The following WDR3 variants were observed in gnomAD, a reference collection of about 807,000 sequenced individuals.
WDR3 encodes WD repeat-containing protein 3.
In WDR3, 81 loss-of-function variants were observed where a neutral mutation model predicts 123.7. The ratio of observed to expected loss-of-function variants is 0.65; its 90% CI spans 0.55 to 0.79. The LOEUF (loss-of-function observed/expected upper bound fraction) is 0.79, where lower values mean the gene tolerates loss of function less well. WDR3 is among the 30% of genes least tolerant of loss of function. The pLI is 0.00. For synonymous variants in WDR3, 390 were observed against 388.8 expected (o/e 1.00, Z -0.04); for missense variants, 1,027 against 1,123.2 (o/e 0.91, Z 1.22).
At position 117,934,517 on chromosome 1, in the gene WDR3, C is replaced by T. The variant is rs761466350; in HGVS notation, c.216C>T (p.Cys72=). ...QGLKQEVTCL[C]PSPDGLHLAV... ...TTAAACAAGAAGTTACTTGCTTATG[C>T]CCCTCCCCAGATGGGCTACACTTAG... Residue 72 remains cysteine, a synonymous_variant, in exon 3 of 27, where the codon TGC becomes TGT. Transcript: ENST00000349139. The T allele has an allele frequency of 8.7e-6, 14 of 1,614,074 alleles. No individual in the cohort carries two copies. The South Asian group carries it at 1.5e-4, about 18-fold the overall frequency.
In WDR3 at chr1:117,941,919, G is replaced by T. The variant is rs928291935; in HGVS notation, c.989+72G>T. On this transcript the variant is annotated intron_variant, in intron 9 of 26. Coordinates refer to ENST00000349139, the MANE Select transcript of WDR3 (RefSeq NM_006784.3). ...GCCCCATGTTACTGAAAAAAAACTG[G>T]CTTCTTTCATATTTACTGTCTTATC... is the stretch of plus-strand genomic sequence containing the variant. 10 of 1,476,634 alleles carry T rather than the reference G, an allele frequency of 6.8e-6. No individual in the cohort carries two copies. The Admixed American group carries it at 2.2e-4, about 32-fold the overall frequency. The allele number at this position is 1,476,634 out of a possible 1,614,324, so 91.5% of individuals were successfully genotyped here.
At chr1:117,931,634 G>T (rs1400089736) in intron 1 of WDR3, among the ~76,000 whole-genome samples, 2 of 152,194 alleles carry the variant, frequency 1.3e-5, no homozygotes, top group Non-Finnish European at 2.9e-5. Context: ...GGAGTCCCTG[G>T]ACCTAGGCAT....
In WDR3 at chr1:117,961,718, AAGTG is replaced by A. The variant is rs1653128721; in HGVS notation, c.*2275_*2278del. Reference sequence around the variant, plus strand: ...GTTCTTGAGCATAACACAATCACTGAAGTGAGTAAGGGATGCAGTGGTGTTATTT... The same window carrying A: ...GTTCTTGAGCATAACACAATCACTGAAGTAAGGGATGCAGTGGTGTTATTT... On this transcript the variant is annotated 3_prime_UTR_variant, in exon 27 of 27. Coordinates refer to ENST00000349139, the MANE Select transcript of WDR3 (RefSeq NM_006784.3). 6.6e-6 allele frequency: 1 copy of A among 152,154 alleles called. No individual in the cohort carries two copies. The highest frequency in any genetic ancestry group is 1.5e-5 in the Non-Finnish European group (1 of 68,026). The allele number at this position is 152,154 out of a possible 1,614,324, so 9.4% of individuals were successfully genotyped here. A position where few individuals can be genotyped will look rare whatever the true frequency, so the allele number is the denominator to read the frequency against.
chr1:117,945,987 ATGTTGATC>A, intron 11 of WDR3, 91 bp from the exon 12 acceptor site: 1 of 712,854 alleles, frequency 1.4e-6, no homozygotes, highest in Non-Finnish European at 2.1e-6. Context: ...ATCTTCTTTT[ATGTTGATC>A]TGTCTAAGTG....
chr1:117,947,260 G>T (rs1651443860), intron 12 of WDR3, among the ~76,000 whole-genome samples: 2 of 152,178 alleles, frequency 1.3e-5, no homozygotes, highest in South Asian at 4.1e-4. Flanking sequence ...TGTACCAGTA[G>T]TGAGAATAAA....
chr1:117,951,712 A>G (rs1244596583), intron 16 of WDR3, among the ~76,000 whole-genome samples: 2 of 152,106 alleles, frequency 1.3e-5, no homozygotes, highest in African/African-American at 4.8e-5. Flanking sequence ...CGAAGTAAAT[A>G]GATAACCCTA....
At chr1:117,947,218 A>C (rs1033252264) in intron 12 of WDR3, among the ~76,000 whole-genome samples, 4 of 152,228 alleles carry the variant, frequency 2.6e-5, no homozygotes, top group African/African-American at 9.6e-5. Flanking sequence ...CTAATCGATA[A>C]TAGAGCTGGT....
intron 1 of WDR3, among the ~76,000 whole-genome samples, chr1:117,930,093 A>G (rs1252021887): frequency 6.6e-6 from 1 of 151,956 alleles, no homozygotes; most frequent in African/African-American, 2.4e-5. Flanking sequence ...CTGACCGAAG[A>G]CTCGTTTAGG....
At chr1:117,942,699 T>C (rs1213936741) in intron 10 of WDR3, among the ~76,000 whole-genome samples, 155 bp downstream of exon 10, 1 of 152,192 alleles carries the variant, frequency 6.6e-6, no homozygotes, top group Non-Finnish European at 1.5e-5. Flanking sequence ...GTTGTCCTAA[T>C]CATGGGCCCA....
chr1:117,939,373 T>C, intron 5 of WDR3, 104 bp from the exon 6 acceptor site: 1 of 1,195,098 alleles, frequency 8.4e-7, no homozygotes, highest in South Asian at 1.3e-5. Context: ...TGCCTTTAAA[T>C]TGCTAGACAT....
intron 11 of WDR3, among the ~76,000 whole-genome samples, chr1:117,944,147 C>T (rs1651283790): frequency 1.3e-5 from 2 of 152,202 alleles, no homozygotes; most frequent in Admixed American, 1.3e-4. Context: ...ATCTGTCTCC[C>T]ATCAAGCTTT....
At chr1:117,932,029 G>A (rs1341826106) in intron 1 of WDR3, among the ~76,000 whole-genome samples, 2 of 152,120 alleles carry the variant, frequency 1.3e-5, no homozygotes, top group Admixed American at 1.3e-4. Context: ...ATAAAAGACT[G>A]TAACTTCTTT....
chr1:117,953,355 A>T (rs942021714), intron 20 of WDR3, 121 bp from the exon 21 acceptor site: 1 of 955,218 alleles, frequency 1.0e-6, no homozygotes, highest in African/African-American at 1.7e-5. Context: ...GGTAGCTGAT[A>T]ACACTGTTAG....
chr1:117,947,823 T>C (rs1479011700), intron 12 of WDR3, among the ~76,000 whole-genome samples: 1 of 152,224 alleles, frequency 6.6e-6, no homozygotes, highest in Non-Finnish European at 1.5e-5. Flanking sequence ...GCTGACACCA[T>C]GACTATGGCA....
rs1463540637 is a variant in WDR3 at position 117,960,595 on chromosome 1, T to G, written c.*1148T>G. The stretch of plus-strand genomic sequence containing the variant: ...TGTGATATGCAGTTTACTGGGGCGA[T>G]GAGTTGTTCATGCACAGGTGATTAG... On this transcript the variant is annotated 3_prime_UTR_variant, in exon 27 of 27. Coordinates refer to ENST00000349139, the MANE Select transcript of WDR3 (RefSeq NM_006784.3). 1.3e-5 allele frequency: 2 copies of G among 152,220 alleles called. No homozygotes were observed. The highest frequency in any genetic ancestry group is 1.9e-4 in the East Asian group (1 of 5,200). 9.4% of individuals were successfully genotyped at this position (152,220 alleles called of 1,614,324 possible). A position where few individuals can be genotyped will look rare whatever the true frequency, so the allele number is the denominator to read the frequency against.
At position 117,946,105 on chromosome 1, in the gene WDR3, C is replaced by T. The variant is rs748137264; in HGVS notation, c.1348C>T (p.Arg450Cys). 37 of 1,612,180 alleles carry T rather than the reference C, an allele frequency of 2.3e-5. No homozygotes were observed. The East Asian group carries it at 3.6e-4, about 16-fold the overall frequency. ...TCATAGGTCTACACTGCAGTGTATT[C>T]GCACAATGACCTGTGAATATGCACT... ...IWNRSTLQCI[R>C]TMTCEYALCS... The change falls in exon 12 of 27, where the codon CGC (arginine) becomes TGC (cysteine). Residue 450 changes from arginine to cysteine, a missense_variant. Transcript: ENST00000349139.
intron 8 of WDR3, among the ~76,000 whole-genome samples, chr1:117,941,433 G>T (rs1212132673): frequency 6.6e-6 from 1 of 152,024 alleles, no homozygotes; most frequent in Non-Finnish European, 1.5e-5. Context: ...AAGTAATTGT[G>T]GTTTTTGCCA....
chr1:117,950,033 A>C lies in WDR3; in HGVS notation c.1649A>C (p.Glu550Ala), dbSNP rs150424473. Residue 550 changes from glutamate (E) to alanine (A), a missense_variant, in exon 15 of 27, where the codon GAA becomes GCA. By Grantham distance (107) the Glu-to-Ala change is moderately radical (BLOSUM62 -1). Transcript: ENST00000349139. ...VKQTRTLQLD[E>A]DVLCVSYSPN... The stretch of plus-strand genomic sequence containing the variant: ...CAAACCCGAACTTTGCAACTAGATG[A>C]AGATGTTCTGTGTGTCAGTTACTCT... 99 of 1,613,752 alleles carry C rather than the reference A, an allele frequency of 6.1e-5. No homozygotes were observed. Among genetic ancestry groups the C allele is most frequent in the Non-Finnish European group, 8.0e-5 (94 of 1,179,916 alleles).
At chr1:117,951,361 A>G (rs1357370550) in intron 16 of WDR3, among the ~76,000 whole-genome samples, 4 of 151,438 alleles carry the variant, frequency 2.6e-5, no homozygotes, top group Non-Finnish European at 5.9e-5. Flanking sequence ...AGGAGTGGCA[A>G]TGTATATTAA....
Sources: gnomAD v4.1 joint callset for allele counts (sites outside exome capture counted in the v4.1 genomes callset) on GRCh38, gnomAD v4.1.1 for gene constraint, MANE v1.5 for transcripts, NCBI Gene and HGNC (gene_info 2026-07-23, HGNC 2026-07-21) for gene names.